IL2RB: variants seen among roughly 807,000 people sequenced by gnomAD.
IL2RB encodes the protein interleukin 2 receptor subunit beta.
IL2RB carries 17 observed loss-of-function variants against 44.2 expected under a neutral mutation model. The observed-to-expected ratio is 0.38, with a 90% CI of 0.26 to 0.58. The LOEUF is 0.58. IL2RB is among the 20% of genes least tolerant of loss of function. The probability of loss-of-function intolerance (pLI) is 0.63; values close to 1 mark genes in which losing one functional copy is unlikely to be tolerated. For missense variants in IL2RB, 624 were observed against 685.5 expected (o/e 0.91, Z 1.00); for synonymous variants, 286 against 297.9 (o/e 0.96, Z 0.41).
At chr22:37,134,545 G>T (rs1255539229) in intron 8 of IL2RB, among the ~76,000 whole-genome samples, 1 of 152,190 alleles carries the variant, frequency 6.6e-6, no homozygotes, top group Admixed American at 6.5e-5. Context: ...GGTGGAGGTT[G>T]CAGTGAGTCG....
rs149258462 is a variant in IL2RB at position 37,137,665 on chromosome 22, T to G, written c.459A>C (p.Glu153Asp). The change falls in exon 6 of 10, where the codon GAA becomes GAC. Residue 153 changes from glutamate to aspartate, a missense_variant. By Grantham distance (45) the Glu-to-Asp change is conservative (BLOSUM62 2). Around this residue, in one of 3 missense-constraint regions of IL2RB, gnomAD observed 255 missense variants for 339.9 expected, o/e 0.75. Coordinates refer to ENST00000216223, the MANE Select transcript of IL2RB (RefSeq NM_000878.5). ...VETHRCNISW[E>D]ISQASHYFER... ...CAAAGTAGTGGGAGGCTTGGGAGAT[T>G]TCCCAGCTTATGTTGCATCTGTGGG... 1.5e-4 allele frequency: 240 copies of G among 1,614,112 alleles called. 1 individual carries two copies. In the African/African-American group the frequency reaches 2.8e-3, roughly 19 times the overall value.
Position 37,137,893 on chromosome 22 carries a change from A to G in IL2RB, c.389-158T>C, listed in dbSNP as rs530825663. 5.3e-5 allele frequency among the ~76,000 whole-genome samples: 8 copies of G among 151,556 alleles called. No homozygotes were observed. In the South Asian group the frequency reaches 1.7e-3, roughly 32 times the overall value. Reference sequence around the variant, plus strand: ...CCTCACTGCCTCCAGGCCTCTCTCAATGATCACCTCTTGAGAGAAGCCTTC... The same window carrying G: ...CCTCACTGCCTCCAGGCCTCTCTCAGTGATCACCTCTTGAGAGAAGCCTTC... On this transcript the variant is annotated intron_variant, in intron 5 of 9. Coordinates refer to ENST00000216223, the MANE Select transcript of IL2RB (RefSeq NM_000878.5).
chr22:37,131,421 C>T (rs1161801589), intron 9 of IL2RB, among the ~76,000 whole-genome samples: 1 of 152,180 alleles, frequency 6.6e-6, no homozygotes, highest in African/African-American at 2.4e-5. Flanking sequence ...AAGTACCCCC[C>T]ATGTCCCCCC....
chr22:37,128,251 G>A lies in IL2RB; in HGVS notation c.1501C>T (p.Pro501Ser), dbSNP rs753021407. ...LVLREAGEEV[P>S]DAGPREGVSF... ...ACTCCCTCCCTGGGGCCAGCGTCAG[G>A]GACCTCCTCCCCAGCCTCTCGCAGC... The change falls in exon 10 of 10, where the codon CCT becomes TCT. Residue 501 changes from proline (P) to serine (S), a missense_variant. Around this residue, in one of 3 missense-constraint regions of IL2RB, gnomAD observed 291 missense variants for 275.5 expected, o/e 1.06. Transcript: ENST00000216223. This position sits in a 1 kb window ranked among gnomAD's most constrained non-coding sequence, Gnocchi z 4.5. 1.3e-6 allele frequency: 2 copies of A among 1,500,016 alleles called. No homozygotes were observed. The highest frequency in any genetic ancestry group is 1.8e-6 in the Non-Finnish European group (2 of 1,125,840). 92.9% of individuals were successfully genotyped at this position (1,500,016 alleles called of 1,614,324 possible). A position where few individuals can be genotyped will look rare whatever the true frequency, so the allele number is the denominator to read the frequency against.
At chr22:37,152,087 T>C (rs899780654), upstream of IL2RB, among the ~76,000 whole-genome samples, 1 of 152,242 alleles carries the variant, frequency 6.6e-6, no homozygotes, top group African/African-American at 2.4e-5. Context: ...TGACGATTAT[T>C]TTTTCTACTT....
rs753639868 is a variant in IL2RB, at chr22:37,128,428, T to G, written c.1324A>C (p.Ser442Arg). Residue 442 changes from serine to arginine, a missense_variant, in exon 10 of 10, where the codon AGC becomes CGC. Physicochemically the swap from Ser to Arg is moderately radical, Grantham distance 110 (BLOSUM62 -1). This residue lies in a region of IL2RB where 291 missense variants were observed against 275.5 expected (regional missense o/e 1.06). Coordinates refer to ENST00000216223, the MANE Select transcript of IL2RB (RefSeq NM_000878.5). This position sits in a 1 kb window ranked among gnomAD's most constrained non-coding sequence, Gnocchi z 4.5. ...GCCCCACTGCCCCCAGGGGCAGTGC[T>G]TGGGGGGCTGGGGCCACCGAGGAGA... ...PSLLGGPSPP[S>R]TAPGGSGAGE... 2.5e-5 allele frequency: 39 copies of G among 1,530,640 alleles called. No individual in the cohort carries two copies. The highest frequency in any genetic ancestry group is 3.4e-5 in the Non-Finnish European group (39 of 1,136,368). The allele number at this position is 1,530,640 out of a possible 1,614,324, so 94.8% of individuals were successfully genotyped here.
chr22:37,149,414 G>A (rs1256807655), intron 1 of IL2RB, among the ~76,000 whole-genome samples: 1 of 152,142 alleles, frequency 6.6e-6, no homozygotes, highest in Non-Finnish European at 1.5e-5. Context: ...CCGGTATATG[G>A]GCCCCACTCC....
Position 37,149,911 on chromosome 22 carries a change from A to C in IL2RB, c.-120T>G, listed in dbSNP as rs938176348. ...TGGCCATCTCTCCAGGGCCCTGCTG[A>C]GCTCTGGCTGCTGGGGCCGCAAAGA... On this transcript the variant is annotated 5_prime_UTR_variant, in exon 1 of 10. Transcript: ENST00000216223. The C allele has an allele frequency of 1.0e-6, 1 of 985,258 alleles. No homozygotes were observed. Among genetic ancestry groups the C allele is most frequent in the African/African-American group, 1.7e-5 (1 of 57,166 alleles). 61.0% of individuals were successfully genotyped at this position (985,258 alleles called of 1,614,324 possible). A position where few individuals can be genotyped will look rare whatever the true frequency, so the allele number is the denominator to read the frequency against.
intron 1 of IL2RB, among the ~76,000 whole-genome samples, chr22:37,169,267 G>T (rs377273917): frequency 6.8e-6 from 1 of 147,540 alleles, no homozygotes; most frequent in African/African-American, 2.7e-5. Flanking sequence ...TTACAGAGGG[G>T]TTCTTGCTTA....
At chr22:37,136,094 T>C in intron 7 of IL2RB, 134 bp downstream of exon 7, 1 of 969,402 alleles carries the variant, frequency 1.0e-6, no homozygotes, top group Non-Finnish European at 1.5e-6. Flanking sequence ...GCGAGCCCCC[T>C]GCAGGGTTAC....
intron 1 of IL2RB, among the ~76,000 whole-genome samples, chr22:37,168,627 T>C (rs1282755567): frequency 6.6e-6 from 1 of 152,216 alleles, no homozygotes; most frequent in Admixed American, 6.5e-5. Context: ...CACCCACAGT[T>C]CCTGGCATGC....
At chr22:37,163,676 G>A (rs889530628) in intron 1 of IL2RB, among the ~76,000 whole-genome samples, 1 of 152,206 alleles carries the variant, frequency 6.6e-6, no homozygotes, top group Non-Finnish European at 1.5e-5. Flanking sequence ...CCGCCCTGAG[G>A]CCCCCCATTC....
At chr22:37,158,186 C>T (rs1331679483) in intron 1 of IL2RB, among the ~76,000 whole-genome samples, 1 of 152,136 alleles carries the variant, frequency 6.6e-6, no homozygotes, top group Non-Finnish European at 1.5e-5. Flanking sequence ...AAATGCGCAT[C>T]CATAGGGGAC....
Position 37,166,101 on chromosome 22 carries a change from G to A in IL2RB, c.-34+8857C>T, listed in dbSNP as rs377549885. ...AGCTGATAGCTGGGCCAGGAGAGGT[G>A]ACCTCACCGCCCATGCTCAAGGTCT... On this transcript the variant is annotated intron_variant, in intron 1 of 5. Transcript: ENST00000429622. Among the ~76,000 whole-genome samples, 25 of 152,170 alleles carry A rather than the reference G, an allele frequency of 1.6e-4. 1 individual carries two copies. The highest frequency in any genetic ancestry group is 1.2e-3 in the East Asian group (6 of 5,192).
At position 37,125,915 on chromosome 22, in the gene IL2RB, A is replaced by G. The variant is rs1254187763; in HGVS notation, c.*2181T>C. ...TGGGTTTTTTCATTTACAGAGTAAC[A>G]AAGATTTTTCTTTAAATAAATGTAT... On this transcript the variant is annotated 3_prime_UTR_variant, in exon 10 of 10. Coordinates refer to ENST00000216223, the MANE Select transcript of IL2RB (RefSeq NM_000878.5). 1 of 152,264 alleles carries G rather than the reference A, an allele frequency of 6.6e-6. No individual in the cohort carries two copies. Among genetic ancestry groups the G allele is most frequent in the African/African-American group, 2.4e-5 (1 of 41,468 alleles). 9.4% of individuals were successfully genotyped at this position (152,264 alleles called of 1,614,324 possible). A position where few individuals can be genotyped will look rare whatever the true frequency, so the allele number is the denominator to read the frequency against.
intron 1 of IL2RB, among the ~76,000 whole-genome samples, chr22:37,174,414 C>T (rs1225174319): frequency 6.6e-6 from 1 of 152,180 alleles, no homozygotes; most frequent in Non-Finnish European, 1.5e-5. Flanking sequence ...GACCCTTCAG[C>T]TGGGGAACCG....
intron 9 of IL2RB, among the ~76,000 whole-genome samples, chr22:37,130,751 T>A (rs975752425): frequency 6.6e-6 from 1 of 152,202 alleles, no homozygotes; most frequent in Admixed American, 6.5e-5. Context: ...AATGGGAGAA[T>A]CTCTATGCTT....
chr22:37,132,417 G>A lies in IL2RB; in HGVS notation c.870C>T (p.Ser290=), dbSNP rs758319587. ...CTCCTCCATGCTCTGAGCTCAGCTG[G>A]GAAAAGAACTTCGAGGGGTCTGGGG... The part of the protein sequence containing the change: ...CNTPDPSKFF[S]QLSSEHGGDV... Residue 290 remains serine (S), a synonymous_variant, in exon 9 of 10, where the codon TCC becomes TCT. Coordinates refer to ENST00000216223, the MANE Select transcript of IL2RB (RefSeq NM_000878.5). 20 of 1,614,092 alleles carry A rather than the reference G, an allele frequency of 1.2e-5. 1 individual carries two copies. In the South Asian group the frequency reaches 1.5e-4, roughly 12 times the overall value.
intron 1 of IL2RB, among the ~76,000 whole-genome samples, chr22:37,149,616 G>C (rs1922392648): frequency 6.6e-6 from 1 of 152,206 alleles, no homozygotes; most frequent in African/African-American, 2.4e-5. Context: ...GCTGACCTGG[G>C]ACTGGGGACC....
Sources: gnomAD v4.1 joint callset for allele counts (sites outside exome capture counted in the v4.1 genomes callset) on GRCh38, gnomAD v4.1.1 for gene constraint, gnomAD v4.1.1 regional missense constraint, Gnocchi (gnomAD v3.1) non-coding constraint, MANE v1.5 for transcripts, NCBI Gene and HGNC (gene_info 2026-07-23, HGNC 2026-07-21) for gene names.